SPAG16: variants seen among roughly 807,000 people sequenced by gnomAD.
The protein encoded by SPAG16 is sperm-associated antigen 16 protein.
A neutral mutation model predicts 80.4 loss-of-function variants in SPAG16; 86 were observed. The ratio of observed to expected loss-of-function variants is 1.07; its 90% CI spans 0.90 to 1.28. The LOEUF (loss-of-function observed/expected upper bound fraction) is 1.28, where lower values mean the gene tolerates loss of function less well. Among genes scored for constraint, SPAG16 ranks in the 50% most tolerant of loss-of-function variants. The pLI is 0.00. For synonymous variants in SPAG16, 294 were observed against 265.9 expected, an observed-to-expected ratio of 1.11 and a Z score of -1.03; for missense variants, 870 against 765.3, an observed-to-expected ratio of 1.14 and a Z score of -1.61.
intron 10 of SPAG16, among the ~76,000 whole-genome samples, chr2:213,521,057 G>C (rs1240975624): frequency 6.6e-6 from 1 of 152,124 alleles, no homozygotes; most frequent in Non-Finnish European, 1.5e-5. Context: ...CATTTTTGGA[G>C]TCCTCTCTGA....
chr2:214,186,767 GT>G (rs575851013), intron 15 of SPAG16, among the ~76,000 whole-genome samples: 5 of 147,758 alleles, frequency 3.4e-5, no homozygotes, highest in East Asian at 2.0e-4. Context: ...TTGTTTTTTT[GT>G]TTTTTTTTTG....
At chr2:214,355,773 C>G (rs201596947) in intron 15 of SPAG16, among the ~76,000 whole-genome samples, 15 of 151,906 alleles carry the variant, frequency 9.9e-5, no homozygotes, top group Admixed American at 2.0e-4. Context: ...GGAACTAACC[C>G]AAATGTCCAA....
chr2:213,368,803 C>A (rs1365393709), intron 8 of SPAG16, among the ~76,000 whole-genome samples: 1 of 152,132 alleles, frequency 6.6e-6, no homozygotes. Flanking sequence ...TGAGTCAAAT[C>A]CCATTCACAG....
chr2:213,751,641 C>A (rs2068082036), intron 10 of SPAG16, among the ~76,000 whole-genome samples: 2 of 152,214 alleles, frequency 1.3e-5, no homozygotes, highest in African/African-American at 4.8e-5. Flanking sequence ...TGTGGCTTCA[C>A]TTCCTTATTG....
intron 11 of SPAG16, among the ~76,000 whole-genome samples, chr2:213,914,851 A>G (rs1477548144): frequency 6.6e-6 from 1 of 152,030 alleles, no homozygotes; most frequent in Non-Finnish European, 1.5e-5. Flanking sequence ...TTGCTTGTAA[A>G]TTTGTTTATT....
intron 15 of SPAG16, among the ~76,000 whole-genome samples, chr2:214,408,635 C>T (rs1044813675): frequency 1.4e-4 from 22 of 152,138 alleles, no homozygotes; most frequent in Admixed American, 9.8e-4. Flanking sequence ...TTCACTATAG[C>T]TTTTATGGTG....
intron 9 of SPAG16, among the ~76,000 whole-genome samples, chr2:213,393,154 T>C (rs1001658151): frequency 3.3e-5 from 5 of 151,814 alleles, no homozygotes; most frequent in African/African-American, 9.7e-5. Flanking sequence ...GGATTATGCA[T>C]GTATAGCCCT....
At chr2:214,284,662 T>A (rs761186470) in intron 15 of SPAG16, among the ~76,000 whole-genome samples, 4 of 152,232 alleles carry the variant, frequency 2.6e-5, no homozygotes. Context: ...TACAGCTAAA[T>A]ATTATGTAAG....
intron 12 of SPAG16, among the ~76,000 whole-genome samples, chr2:213,980,970 A>G (rs1319106535): frequency 6.6e-6 from 1 of 151,934 alleles, no homozygotes; most frequent in African/African-American, 2.4e-5. Context: ...TTCCTGTATT[A>G]GACTGTTTAG....
At chr2:213,938,113 A>G (rs1414912282) in intron 12 of SPAG16, among the ~76,000 whole-genome samples, 1 of 151,870 alleles carries the variant, frequency 6.6e-6, no homozygotes. Context: ...GAATATATAT[A>G]TATATATTTT....
At chr2:213,306,888 C>A (rs1335885962) in intron 3 of SPAG16, among the ~76,000 whole-genome samples, 2 of 152,142 alleles carry the variant, frequency 1.3e-5, no homozygotes, top group Admixed American at 1.3e-4. Flanking sequence ...GTGCCTCTTT[C>A]AGCAATATGA....
chr2:214,347,933 GC>G (rs2126042999), intron 15 of SPAG16, among the ~76,000 whole-genome samples: 2 of 152,314 alleles, frequency 1.3e-5, no homozygotes, highest in African/African-American at 4.8e-5. Context: ...AGAGGACAGA[GC>G]CAAGATTCAT....
chr2:213,527,822 C>T (rs1000232752), intron 10 of SPAG16, among the ~76,000 whole-genome samples: 3 of 151,894 alleles, frequency 2.0e-5, no homozygotes, highest in African/African-American at 7.3e-5. Context: ...AGAAAGGGTG[C>T]CAAGTGCACA....
chr2:214,265,155 G>A (rs1410097832), intron 15 of SPAG16, among the ~76,000 whole-genome samples: 1 of 152,106 alleles, frequency 6.6e-6, no homozygotes. Flanking sequence ...GTAACAGTAT[G>A]TTAAGTTTTG....
intron 15 of SPAG16, among the ~76,000 whole-genome samples, chr2:214,335,469 AAT>A (rs35837849): frequency 0.68 from 101,782 of 149,980 alleles, 38,889 homozygotes; most frequent in South Asian, 0.85. Context: ...AACATGGAGG[AAT>A]ATATATATAT....
intron 13 of SPAG16, among the ~76,000 whole-genome samples, chr2:214,093,330 G>A (rs541092659): frequency 1.3e-5 from 2 of 151,836 alleles, no homozygotes; most frequent in African/African-American, 4.8e-5. Flanking sequence ...TATTTGCTCT[G>A]GATTTTCAAC....
At chr2:213,889,167 A>C (rs2076680999) in intron 11 of SPAG16, among the ~76,000 whole-genome samples, 2 of 152,000 alleles carry the variant, frequency 1.3e-5, no homozygotes, top group African/African-American at 4.8e-5. Context: ...AAGAAGATAG[A>C]AAGCCATCTG....
chr2:213,851,307 C>G (rs564301297), intron 10 of SPAG16, among the ~76,000 whole-genome samples: 1 of 152,154 alleles, frequency 6.6e-6, no homozygotes, highest in East Asian at 1.9e-4. Context: ...GTCAGGAGTT[C>G]GAGACCAGCC....
intron 10 of SPAG16, among the ~76,000 whole-genome samples, chr2:213,754,564 CAT>C (rs919689392): frequency 3.3e-5 from 5 of 152,146 alleles, no homozygotes; most frequent in Admixed American, 2.0e-4. Flanking sequence ...ACATATTAAA[CAT>C]ATGACAGCTT....
Sources: gnomAD v4.1 joint callset for allele counts (sites outside exome capture counted in the v4.1 genomes callset) on GRCh38, gnomAD v4.1.1 for gene constraint, MANE v1.5 for transcripts, NCBI Gene and HGNC (gene_info 2026-07-23, HGNC 2026-07-21) for gene names.